The following AKAP5 variants were observed in gnomAD, a reference collection of about 807,000 sequenced individuals.
AKAP5 encodes A-kinase anchor protein 5.
A neutral mutation model predicts 13.8 loss-of-function variants in AKAP5; 5 were observed. The observed-to-expected ratio is 0.36, with a 90% CI of 0.19 to 0.76. The LOEUF is 0.76. AKAP5 is among the 30% of genes least tolerant of loss of function. AKAP5 has a pLI of 0.51. For synonymous variants in AKAP5, 148 were observed against 167.2 expected (o/e 0.89, Z 0.89); for missense variants, 406 against 484.4 (o/e 0.84, Z 1.52).
chr14:64,468,373 A>G lies in AKAP5; in HGVS notation c.-22A>G. 1 of 1,556,838 alleles carries G rather than the reference A, an allele frequency of 6.4e-7. No homozygotes were observed. The highest frequency in any genetic ancestry group is 2.1e-5 in the Admixed American group (1 of 48,122). ...AGGAAGAGAGAATACAGTTTTCTAG[A>G]GAATAAGAGTGCAGTGTAAAAATGG... is the stretch of plus-strand genomic sequence containing the variant. On this transcript the variant is annotated 5_prime_UTR_variant, in exon 2 of 2. Coordinates refer to ENST00000394718, the MANE Select transcript of AKAP5 (RefSeq NM_004857.3).
intron 1 of AKAP5, chr14:64,467,195 CTT>C (rs1409339650): frequency 1.3e-5 from 2 of 152,192 alleles, no homozygotes; most frequent in Non-Finnish European, 2.9e-5. Flanking sequence ...AGAACATAAG[CTT>C]TAAGCAACAA....
chr14:64,468,713 C>T lies in AKAP5; in HGVS notation c.319C>T (p.Pro107Ser), dbSNP rs367819379. Reference protein sequence around the residue: ...QQKPLEGEMQPAINAEDADLS... With the variant: ...QQKPLEGEMQSAINAEDADLS... ...AAAGCCATTGGAGGGTGAAATGCAA[C>T]CTGCAATAAATGCTGAGGATGCTGA... The change falls in exon 2 of 2, where the codon CCT becomes TCT. Residue 107 changes from proline to serine, a missense_variant. Physicochemically the swap from Pro to Ser is moderately conservative, Grantham distance 74. Coordinates refer to ENST00000394718, the MANE Select transcript of AKAP5 (RefSeq NM_004857.3). The T allele has an allele frequency of 4.7e-5, 76 of 1,614,108 alleles. No individual in the cohort carries two copies. Among genetic ancestry groups the T allele is most frequent in the Non-Finnish European group, 6.4e-5 (76 of 1,180,020 alleles).
At chr14:64,467,046 G>A (rs1242585199) in intron 1 of AKAP5, 3 of 152,172 alleles carry the variant, frequency 2.0e-5, no homozygotes, top group Admixed American at 6.5e-5. Context: ...CAGTCTACTC[G>A]TGGTTCAATT....
Position 64,469,163 on chromosome 14 carries a change from C to G in AKAP5, c.769C>G (p.His257Asp). The change falls in exon 2 of 2, where the codon CAT (histidine) becomes GAT (aspartate). Residue 257 changes from histidine (H) to aspartate (D), a missense_variant. By Grantham distance (81) the His-to-Asp change is moderately conservative (BLOSUM62 -1). Transcript: ENST00000394718. Reference sequence around the variant, plus strand: ...CCCACTTGAAACTTCAGAAACAGACCATCAGCAGCCAGTACTTTCTGATGT... The same window carrying G: ...CCCACTTGAAACTTCAGAAACAGACGATCAGCAGCCAGTACTTTCTGATGT... ...ASPLETSETD[H>D]QQPVLSDVPP... 6.2e-7 allele frequency: 1 copy of G among 1,614,074 alleles called. No homozygotes were observed. Among genetic ancestry groups the G allele is most frequent in the Non-Finnish European group, 8.5e-7 (1 of 1,180,008 alleles).
rs2078649557 is a variant in AKAP5 at position 64,469,840 on chromosome 14, A to T, written c.*162A>T. 2.3e-5 allele frequency: 13 copies of T among 564,850 alleles called. No homozygotes were observed. Among genetic ancestry groups the T allele is most frequent in the Non-Finnish European group, 4.0e-5 (13 of 326,018 alleles). 35.0% of individuals were successfully genotyped at this position (564,850 alleles called of 1,614,324 possible). Reference sequence around the variant, plus strand: ...TGCTAAAGATTAAGTCAAGTTTATAAAACTCTACCACTGAAATGCAGTCAC... The same window carrying T: ...TGCTAAAGATTAAGTCAAGTTTATATAACTCTACCACTGAAATGCAGTCAC... On this transcript the variant is annotated 3_prime_UTR_variant, in exon 2 of 2. Coordinates refer to ENST00000394718, the MANE Select transcript of AKAP5 (RefSeq NM_004857.3).
chr14:64,469,780 T>A lies in AKAP5; in HGVS notation c.*102T>A. ...AGTAACAAATGAGAGATTTATCATC[T>A]CTAGAACTTAAAAGGTACAATTCCA... is the stretch of plus-strand genomic sequence containing the variant. On this transcript the variant is annotated 3_prime_UTR_variant, in exon 2 of 2. Coordinates refer to ENST00000394718, the MANE Select transcript of AKAP5 (RefSeq NM_004857.3). 1 of 867,868 alleles carries A rather than the reference T, an allele frequency of 1.2e-6. No homozygotes were observed. Among genetic ancestry groups the A allele is most frequent in the Non-Finnish European group, 1.8e-6 (1 of 571,216 alleles). The allele number at this position is 867,868 out of a possible 1,614,324, so 53.8% of individuals were successfully genotyped here. A position where few individuals can be genotyped will look rare whatever the true frequency, so the allele number is the denominator to read the frequency against.
intron 1 of AKAP5, chr14:64,467,044 T>C (rs1383018647): frequency 6.6e-6 from 1 of 152,242 alleles, no homozygotes; most frequent in Non-Finnish European, 1.5e-5. Flanking sequence ...CTCAGTCTAC[T>C]CGTGGTTCAA....
intron 1 of AKAP5, chr14:64,466,969 T>A (rs1445989778): frequency 6.6e-6 from 1 of 152,206 alleles, no homozygotes; most frequent in African/African-American, 2.4e-5. Flanking sequence ...GCTTTTAAAT[T>A]AGTTCCTGAA....
chr14:64,467,310 G>A (rs1327048167), intron 1 of AKAP5: 2 of 152,198 alleles, frequency 1.3e-5, no homozygotes, highest in East Asian at 3.8e-4. Flanking sequence ...ATATTGTGGT[G>A]AGGATTAGAG....
At chr14:64,467,328 T>C (rs763045299) in intron 1 of AKAP5, 2 of 152,214 alleles carry the variant, frequency 1.3e-5, no homozygotes, top group African/African-American at 2.4e-5. Context: ...GAGATGTATG[T>C]AAAAGTGCAT....
chr14:64,470,171 GT>G lies in AKAP5; in HGVS notation c.*495del, dbSNP rs2078653382. 6.0e-6 allele frequency: 1 copy of G among 167,272 alleles called. No individual in the cohort carries two copies. The highest frequency in any genetic ancestry group is 1.5e-5 in the Non-Finnish European group (1 of 68,284). The allele number at this position is 167,272 out of a possible 1,614,324, so 10.4% of individuals were successfully genotyped here. A position where few individuals can be genotyped will look rare whatever the true frequency, so the allele number is the denominator to read the frequency against. ...ACTTTTGTGAATGTGATTTGTAATT[GT>G]TACATTCCTAAGCAGCAGGCTTAAC... On this transcript the variant is annotated 3_prime_UTR_variant, in exon 2 of 2. Coordinates refer to ENST00000394718, the MANE Select transcript of AKAP5 (RefSeq NM_004857.3).
Position 64,473,172 on chromosome 14 carries a change from C to G in AKAP5, c.*3494C>G, listed in dbSNP as rs533213709. 1 of 166,954 alleles carries G rather than the reference C, an allele frequency of 6.0e-6. No individual in the cohort carries two copies. Among genetic ancestry groups the G allele is most frequent in the Non-Finnish European group, 1.5e-5 (1 of 68,092 alleles). The allele number at this position is 166,954 out of a possible 1,614,324, so 10.3% of individuals were successfully genotyped here. Reference sequence around the variant, plus strand: ...CTATTCACTTAACATTTTTTCAAAGCACTTTATAGGATATAAAAATAGTAC... The same window carrying G: ...CTATTCACTTAACATTTTTTCAAAGGACTTTATAGGATATAAAAATAGTAC... On this transcript the variant is annotated 3_prime_UTR_variant, in exon 2 of 2. Transcript: ENST00000394718.
At chr14:64,468,035 TA>T (rs1250945710) in intron 1 of AKAP5, 96 bp from the exon 2 acceptor site, 7 of 157,518 alleles carry the variant, frequency 4.4e-5, no homozygotes, top group African/African-American at 1.7e-4. Flanking sequence ...ATATGGAAAA[TA>T]TGCCTGGTAG....
chr14:64,468,805 A>C lies in AKAP5; in HGVS notation c.411A>C (p.Lys137Asn), dbSNP rs1289643355. 1.2e-6 allele frequency: 2 copies of C among 1,614,090 alleles called. No individual in the cohort carries two copies. The highest frequency in any genetic ancestry group is 1.7e-6 in the Non-Finnish European group (2 of 1,180,050). The change falls in exon 2 of 2, where the codon AAA becomes AAC. Residue 137 changes from lysine to asparagine, a missense_variant. Physicochemically the swap from Lys to Asn is moderately conservative, Grantham distance 94. Transcript: ENST00000394718. ...GCATAAAATTCCCAAGAGGGCCAAA[A>C]AGGAGTAATCATTCCAAAATTATAG... ...IPCIKFPRGPKRSNHSKIIED... is the reference protein window; with the variant it reads ...IPCIKFPRGPNRSNHSKIIED...
At position 64,473,545 on chromosome 14, in the gene AKAP5, C is replaced by T. The variant is rs1489830794; in HGVS notation, c.*3867C>T. 1 of 167,016 alleles carries T rather than the reference C, an allele frequency of 6.0e-6. No individual in the cohort carries two copies. The highest frequency in any genetic ancestry group is 1.5e-5 in the Non-Finnish European group (1 of 68,098). 10.3% of individuals were successfully genotyped at this position (167,016 alleles called of 1,614,324 possible). A position where few individuals can be genotyped will look rare whatever the true frequency, so the allele number is the denominator to read the frequency against. On this transcript the variant is annotated 3_prime_UTR_variant, in exon 2 of 2. Transcript: ENST00000394718. ...GTATGCAATCCAGCATTAACTTCAT[C>T]CATACATTTCTAACTTCATCCATAA...
rs951421499 is a variant in AKAP5 at position 64,472,553 on chromosome 14, A to G, written c.*2875A>G. 2.4e-5 allele frequency: 4 copies of G among 166,958 alleles called. No individual in the cohort carries two copies. Among genetic ancestry groups the G allele is most frequent in the Non-Finnish European group, 2.9e-5 (2 of 68,084 alleles). 10.3% of individuals were successfully genotyped at this position (166,958 alleles called of 1,614,324 possible). On this transcript the variant is annotated 3_prime_UTR_variant, in exon 2 of 2. Transcript: ENST00000394718. ...ACTGATTGTTTTTATGATAAGATGT[A>G]TATTTTACTTGCATTCATTCTTAAG...
Position 64,469,133 on chromosome 14 carries a change from G to A in AKAP5, c.739G>A (p.Ala247Thr). 6.2e-7 allele frequency: 1 copy of A among 1,614,130 alleles called. No homozygotes were observed. Residue 247 changes from alanine to threonine, a missense_variant, in exon 2 of 2, where the codon GCA (alanine) becomes ACA (threonine). Physicochemically the swap from Ala to Thr is moderately conservative, Grantham distance 58 (BLOSUM62 0). Coordinates refer to ENST00000394718, the MANE Select transcript of AKAP5 (RefSeq NM_004857.3). ...AAAACAAGATGTTCAACCCCAGCAA[G>A]CAAGCCCACTTGAAACTTCAGAAAC... ...KEKQDVQPQQASPLETSETDH... is the reference protein window; with the variant it reads ...KEKQDVQPQQTSPLETSETDH...
At position 64,469,284 on chromosome 14, in the gene AKAP5, C is replaced by A; in HGVS notation, c.890C>A (p.Thr297Lys). The change falls in exon 2 of 2, where the codon ACA becomes AAA. Residue 297 changes from threonine to lysine, a missense_variant. Transcript: ENST00000394718. ...CCAAATGGAAAAGACTATGAAAGTA[C>A]AGAGATTGTAGCTGAAGAAACTAAG... ...SAPNGKDYESTEIVAEETKPK... is the reference protein window; with the variant it reads ...SAPNGKDYESKEIVAEETKPK... 3 of 1,613,258 alleles carry A rather than the reference C, an allele frequency of 1.9e-6. No homozygotes were observed. Among genetic ancestry groups the A allele is most frequent in the Non-Finnish European group, 2.5e-6 (3 of 1,179,920 alleles).
rs957025107 is a variant in AKAP5 at position 64,473,600 on chromosome 14, A to G, written c.*3922A>G. ...CTAACTTCAAGTTACCTTATTTTTT[A>G]TAGTTAAGAATGTTTTTCGAGGTTT... On this transcript the variant is annotated 3_prime_UTR_variant, in exon 2 of 2. Coordinates refer to ENST00000394718, the MANE Select transcript of AKAP5 (RefSeq NM_004857.3). 1.2e-5 allele frequency: 2 copies of G among 167,096 alleles called. No individual in the cohort carries two copies. Among genetic ancestry groups the G allele is most frequent in the Admixed American group, 6.5e-5 (1 of 15,282 alleles). 10.4% of individuals were successfully genotyped at this position (167,096 alleles called of 1,614,324 possible). A position where few individuals can be genotyped will look rare whatever the true frequency, so the allele number is the denominator to read the frequency against.
Sources: allele counts gnomAD v4.1 joint callset, GRCh38; gene constraint gnomAD v4.1.1; transcripts MANE v1.5; gene names NCBI Gene and HGNC (gene_info 2026-07-23, HGNC 2026-07-21).